The following ESR2 variants were observed in gnomAD, a reference collection of about 807,000 sequenced individuals.
ESR2 encodes the protein estrogen receptor beta.
In ESR2, 36 loss-of-function variants were observed where a neutral mutation model predicts 49.6. That is an observed-to-expected ratio of 0.73 (90% confidence interval 0.56 to 0.96). The LOEUF (loss-of-function observed/expected upper bound fraction) is 0.96, where lower values mean the gene tolerates loss of function less well. Among genes scored for constraint, ESR2 ranks in the 40% least tolerant of loss-of-function variants. ESR2 has a pLI of 0.00. For synonymous variants in ESR2, 320 were observed against 266.1 expected, an observed-to-expected ratio of 1.20 and a Z score of -1.97; for missense variants, 714 against 693.0, an observed-to-expected ratio of 1.03 and a Z score of -0.34.
intron 3 of ESR2, among the ~76,000 whole-genome samples, chr14:64,276,600 A>T (rs2076562529): frequency 6.6e-6 from 1 of 152,212 alleles, no homozygotes; most frequent in Non-Finnish European, 1.5e-5. Context: ...GACCCCACAG[A>T]TTTGTTCTAA....
At position 64,232,436 on chromosome 14, in the gene ESR2, A is replaced by G. The variant is rs1024302378; in HGVS notation, c.*701T>C. 2.0e-5 allele frequency: 3 copies of G among 152,308 alleles called. No homozygotes were observed. The highest frequency in any genetic ancestry group is 7.2e-5 in the African/African-American group (3 of 41,454). The allele number at this position is 152,308 out of a possible 1,614,324, so 9.4% of individuals were successfully genotyped here. Reference sequence around the variant, plus strand: ...GTATCTCCCACAGTCCTGCATGAAAATGATCACACGCTCATACACACATAC... The same window carrying G: ...GTATCTCCCACAGTCCTGCATGAAAGTGATCACACGCTCATACACACATAC... On this transcript the variant is annotated 3_prime_UTR_variant, in exon 9 of 9. Transcript: ENST00000341099.
intron 3 of ESR2, among the ~76,000 whole-genome samples, chr14:64,278,228 C>A (rs569392141): frequency 1.3e-5 from 2 of 152,152 alleles, no homozygotes; most frequent in Non-Finnish European, 2.9e-5. Context: ...ATATAATCAA[C>A]CTTATTTCAT....
At position 64,234,714 on chromosome 14, in the gene ESR2, A is replaced by G. The variant is rs969337725; in HGVS notation, c.1406+256T>C. On this transcript the variant is annotated intron_variant, in intron 8 of 8. Coordinates refer to ENST00000341099, the MANE Select transcript of ESR2 (RefSeq NM_001437.3). The stretch of plus-strand genomic sequence containing the variant: ...CCTTTTAGGACTCCATAAACAGGCT[A>G]TAAACCCCAGCAATTGAAAAACCCA... 1.2e-5 allele frequency: 9 copies of G among 723,592 alleles called. No homozygotes were observed. The African/African-American group carries it at 1.4e-4, about 11-fold the overall frequency. 44.8% of individuals were successfully genotyped at this position (723,592 alleles called of 1,614,324 possible). A position where few individuals can be genotyped will look rare whatever the true frequency, so the allele number is the denominator to read the frequency against.
downstream of ESR2, chr14:64,227,597 T>G (rs1202505168): frequency 2.9e-5 from 47 of 1,614,196 alleles, no homozygotes; most frequent in Non-Finnish European, 3.9e-5. Flanking sequence ...GGTGAGTGTT[T>G]GAGAGGCCTT....
At chr14:64,242,321 T>C (rs2075744830) in intron 7 of ESR2, among the ~76,000 whole-genome samples, 1 of 151,198 alleles carries the variant, frequency 6.6e-6, no homozygotes, top group Non-Finnish European at 1.5e-5. Context: ...GAGACAGAAT[T>C]GATTGAACCC....
intron 1 of ESR2, among the ~76,000 whole-genome samples, chr14:64,322,132 C>T (rs2077331553): frequency 6.6e-6 from 1 of 152,170 alleles, no homozygotes; most frequent in Non-Finnish European, 1.5e-5. Context: ...GATCTCAGCT[C>T]ACTGCAACCT....
At chr14:64,280,520 C>A (rs2076645108) in intron 2 of ESR2, among the ~76,000 whole-genome samples, 2 of 152,172 alleles carry the variant, frequency 1.3e-5, no homozygotes, top group South Asian at 4.1e-4. Flanking sequence ...GAACCACAGG[C>A]AGGATATGCA....
intron 4 of ESR2, 61 bp from the exon 5 acceptor site, chr14:64,260,809 G>C: frequency 7.2e-7 from 1 of 1,394,770 alleles, no homozygotes; most frequent in Non-Finnish European, 9.4e-7. Flanking sequence ...AGCAAAAGCA[G>C]CTTGACTTTT....
intron 1 of ESR2, among the ~76,000 whole-genome samples, chr14:64,315,381 A>G (rs1454982610): frequency 6.6e-6 from 1 of 152,154 alleles, no homozygotes; most frequent in Non-Finnish European, 1.5e-5. Context: ...CTACACACAT[A>G]AACTGGACAA....
intron 5 of ESR2, among the ~76,000 whole-genome samples, chr14:64,258,753 T>C (rs1448386510): frequency 6.6e-6 from 1 of 152,236 alleles, no homozygotes; most frequent in Non-Finnish European, 1.5e-5. Flanking sequence ...CTAATGTGTA[T>C]ATACCTTCCC....
intron 1 of ESR2, among the ~76,000 whole-genome samples, chr14:64,326,035 T>C (rs1320960579): frequency 6.6e-6 from 1 of 151,944 alleles, no homozygotes; most frequent in African/African-American, 2.4e-5. Context: ...TATTAAAGGA[T>C]TAACTGTACT....
chr14:64,316,275 G>A (rs1378854524), intron 1 of ESR2, among the ~76,000 whole-genome samples: 3 of 151,268 alleles, frequency 2.0e-5, no homozygotes, highest in Non-Finnish European at 4.4e-5. Flanking sequence ...GCCTCCCAAC[G>A]TGCTGGGATT....
chr14:64,237,073 G>T (rs2075620524), intron 7 of ESR2, among the ~76,000 whole-genome samples: 1 of 151,662 alleles, frequency 6.6e-6, no homozygotes, highest in Non-Finnish European at 1.5e-5. Context: ...CAATTCTCCT[G>T]CCTCAGCCTC....
Position 64,280,055 on chromosome 14 carries a change from T to C in ESR2, c.461A>G (p.Asp154Gly), listed in dbSNP as rs775445438. 1 of 1,614,152 alleles carries C rather than the reference T, an allele frequency of 6.2e-7. No individual in the cohort carries two copies. The highest frequency in any genetic ancestry group is 2.2e-5 in the East Asian group (1 of 44,888). The change falls in exon 3 of 9, where the codon GAT becomes GGT. Residue 154 changes from aspartate (D) to glycine (G), a missense_variant. By Grantham distance (94) the Asp-to-Gly change is moderately conservative. Coordinates refer to ENST00000341099, the MANE Select transcript of ESR2 (RefSeq NM_001437.3). ...TCCATAGTGATATCCCGATGCGTAATCGCTGCAGACAGCGCAGAAGTGAGC... is the reference window on the plus strand; with the variant it reads ...TCCATAGTGATATCCCGATGCGTAACCGCTGCAGACAGCGCAGAAGTGAGC... Reference protein sequence around the residue: ...RDAHFCAVCSDYASGYHYGVW... With the variant: ...RDAHFCAVCSGYASGYHYGVW...
intron 7 of ESR2, among the ~76,000 whole-genome samples, chr14:64,240,681 CTG>C (rs1202394798): frequency 6.6e-6 from 1 of 152,216 alleles, no homozygotes; most frequent in Admixed American, 6.5e-5. Flanking sequence ...TCAGTAGAAA[CTG>C]TACTTCCAGT....
chr14:64,306,041 C>G (rs2077092672), intron 1 of ESR2, among the ~76,000 whole-genome samples: 1 of 151,818 alleles, frequency 6.6e-6, no homozygotes, highest in Non-Finnish European at 1.5e-5. Context: ...AAACCCCGTC[C>G]CTAGTAAAAA....
intron 1 of ESR2, among the ~76,000 whole-genome samples, chr14:64,316,253 C>T (rs2077254098): frequency 6.6e-6 from 1 of 151,272 alleles, no homozygotes; most frequent in South Asian, 2.1e-4. Context: ...CTCAAGTGAT[C>T]CTCCTGCCTC....
intron 6 of ESR2, among the ~76,000 whole-genome samples, chr14:64,255,679 G>T (rs776806868): frequency 6.6e-6 from 1 of 152,192 alleles, no homozygotes; most frequent in African/African-American, 2.4e-5. Flanking sequence ...CTCAAAGGGG[G>T]CAGGAAGATT....
chr14:64,283,020 G>C lies in ESR2; in HGVS notation c.-35C>G, dbSNP rs1226624293. Reference sequence around the variant, plus strand: ...TAACAGCTGAGAAAACACCTTGCAAGAAGAGGCACAAAGGTCATTATAATG... The same window carrying C: ...TAACAGCTGAGAAAACACCTTGCAACAAGAGGCACAAAGGTCATTATAATG... On this transcript the variant is annotated 5_prime_UTR_variant, in exon 2 of 9. Transcript: ENST00000341099. 1.3e-6 allele frequency: 2 copies of C among 1,581,566 alleles called. No individual in the cohort carries two copies. The highest frequency in any genetic ancestry group is 2.2e-5 in the East Asian group (1 of 44,632).
Sources: gnomAD v4.1 joint callset for allele counts (sites outside exome capture counted in the v4.1 genomes callset) on GRCh38, gnomAD v4.1.1 for gene constraint, MANE v1.5 for transcripts, NCBI Gene and HGNC (gene_info 2026-07-23, HGNC 2026-07-21) for gene names.